Variants in TPP2 observed in about 807,000 individuals in gnomAD.
TPP2 encodes tripeptidyl peptidase 2.
In TPP2, 34 loss-of-function variants were observed where a neutral mutation model predicts 155.9. The ratio of observed to expected loss-of-function variants is 0.22; its 90% confidence interval spans 0.17 to 0.29. The LOEUF (loss-of-function observed/expected upper bound fraction) is 0.29, where lower values mean the gene tolerates loss of function less well. TPP2 is among the 10% of genes least tolerant of loss of function. TPP2 has a pLI of 1.00. For missense variants in TPP2, 1,028 were observed against 1,522.3 expected (o/e 0.68, Z 5.40); for synonymous variants, 510 against 529.4 (o/e 0.96, Z 0.50).
Position 102,664,917 on chromosome 13 carries a change from T to C in TPP2, c.3363T>C (p.Thr1121=), listed in dbSNP as rs777893293. 6.2e-7 allele frequency: 1 copy of C among 1,611,556 alleles called. No individual in the cohort carries two copies. ...MKTDPRPDAA[T]IKNDMDKQKS... ...CTGATCCCAGGCCTGATGCAGCTAC[T>C]ATAAAAAAGTACCTAACCAGTAAAT... The change falls in exon 27 of 30, where the codon ACT becomes ACC. Residue 1121 remains threonine (T), a synonymous_variant. Coordinates refer to ENST00000376052, the MANE Select transcript of TPP2 (RefSeq NM_001330588.2).
intron 24 of TPP2, among the ~76,000 whole-genome samples, chr13:102,653,744 T>G (rs8000233): frequency 0.31 from 46,924 of 152,072 alleles, 7,548 homozygotes; most frequent in Non-Finnish European, 0.37. Context: ...AAATATGATA[T>G]AAATTTTAAA....
At chr13:102,600,404 C>T (rs2139400643) in intron 1 of TPP2, among the ~76,000 whole-genome samples, 1 of 152,178 alleles carries the variant, frequency 6.6e-6, no homozygotes, top group Admixed American at 6.5e-5. Flanking sequence ...CTCCCCCCAC[C>T]ACCTCGTATT....
chr13:102,619,204 A>C (rs1837600643), intron 5 of TPP2, among the ~76,000 whole-genome samples: 1 of 152,224 alleles, frequency 6.6e-6, no homozygotes, highest in African/African-American at 2.4e-5. Flanking sequence ...ATAGTAAGCA[A>C]TCAATGTACG....
At chr13:102,616,649 A>G in intron 4 of TPP2, 149 bp downstream of exon 4, 1 of 586,372 alleles carries the variant, frequency 1.7e-6, no homozygotes, top group South Asian at 3.6e-5. Context: ...TTCCTTTATT[A>G]TTTATCCTCA....
At chr13:102,607,057 T>G (rs1414588928) in intron 2 of TPP2, among the ~76,000 whole-genome samples, 1 of 152,190 alleles carries the variant, frequency 6.6e-6, no homozygotes, top group Non-Finnish European at 1.5e-5. Context: ...CTAGGGCATA[T>G]GAGGACACAG....
intron 17 of TPP2, 145 bp from the exon 18 acceptor site, chr13:102,644,412 T>C: frequency 3.3e-6 from 2 of 604,914 alleles, no homozygotes; most frequent in Non-Finnish European, 5.7e-6. Flanking sequence ...AACTCTTACT[T>C]AGCATAGCTG....
intron 24 of TPP2, among the ~76,000 whole-genome samples, chr13:102,652,779 C>G (rs919362072): frequency 2.6e-5 from 4 of 151,870 alleles, no homozygotes; most frequent in Admixed American, 1.3e-4. Context: ...CGTTTGGGGG[C>G]CACGTAATGG....
Position 102,640,249 on chromosome 13 carries a change from ATTAC to A in TPP2, c.1914-18_1914-15del, listed in dbSNP as rs1336075240. On this transcript the variant is annotated splice_polypyrimidine_tract_variant and intron_variant, in intron 15 of 29. Transcript: ENST00000376052. ...GTCTTATAATAAATATATACATTTA[ATTAC>A]TTTTATTAATTTTCAGAGTAAATGA... 4.0e-6 allele frequency: 6 copies of A among 1,500,002 alleles called. No homozygotes were observed. In the African/African-American group the frequency reaches 8.4e-5, roughly 21 times the overall value. The allele number at this position is 1,500,002 out of a possible 1,614,324, so 92.9% of individuals were successfully genotyped here. A position where few individuals can be genotyped will look rare whatever the true frequency, so the allele number is the denominator to read the frequency against.
rs202050215 is a variant in TPP2, at chr13:102,596,998, G to T, written c.-41G>T. ...TCCTCGCGCTGCTAGTCCGCGCGCA[G>T]CCTGGCAGTTTGCCGCTTCCTCGTC... On this transcript the variant is annotated 5_prime_UTR_variant, in exon 1 of 30. Transcript: ENST00000376052. 35 of 1,600,226 alleles carry T rather than the reference G, an allele frequency of 2.2e-5. No individual in the cohort carries two copies. The Admixed American group carries it at 5.2e-4, about 24-fold the overall frequency.
intron 1 of TPP2, among the ~76,000 whole-genome samples, chr13:102,597,580 T>G (rs1879067714): frequency 6.6e-6 from 1 of 152,080 alleles, no homozygotes; most frequent in Non-Finnish European, 1.5e-5. Flanking sequence ...CCCAGGCTCC[T>G]TCCCTCCACG....
At chr13:102,646,429 C>T in intron 20 of TPP2, 39 bp downstream of exon 20, 2 of 1,510,296 alleles carry the variant, frequency 1.3e-6, no homozygotes, top group Non-Finnish European at 1.8e-6. Flanking sequence ...TTAGGATGAA[C>T]TTTTGTGTTT....
intron 6 of TPP2, among the ~76,000 whole-genome samples, chr13:102,625,714 A>T (rs1252585837): frequency 6.6e-6 from 1 of 152,252 alleles, no homozygotes; most frequent in African/African-American, 2.4e-5. Context: ...GTTTTCTTGC[A>T]TGACAGCAGC....
chr13:102,627,945 G>C, intron 8 of TPP2, 21 bp downstream of exon 8: 1 of 1,595,334 alleles, frequency 6.3e-7, no homozygotes, highest in South Asian at 1.1e-5. Context: ...CTTGACAGTT[G>C]TTTAGCCATA....
At chr13:102,620,077 G>A (rs1163808066) in intron 5 of TPP2, among the ~76,000 whole-genome samples, 1 of 152,200 alleles carries the variant, frequency 6.6e-6, no homozygotes, top group Non-Finnish European at 1.5e-5. Flanking sequence ...GAGGCAATAG[G>A]TGGTTTCATT....
chr13:102,625,306 A>C (rs1881528915), intron 6 of TPP2, among the ~76,000 whole-genome samples: 1 of 151,106 alleles, frequency 6.6e-6, no homozygotes, highest in Non-Finnish European at 1.5e-5. Flanking sequence ...CTGGGACTGC[A>C]GGCGCCCACT....
intron 1 of TPP2, among the ~76,000 whole-genome samples, chr13:102,599,307 C>G (rs952930157): frequency 1.3e-5 from 2 of 152,186 alleles, no homozygotes; most frequent in African/African-American, 4.8e-5. Flanking sequence ...TAAGTCTTCT[C>G]TTTTAACAAC....
chr13:102,636,371 C>A lies in TPP2; in HGVS notation c.1657C>A (p.Pro553Thr). 2 of 1,612,892 alleles carry A rather than the reference C, an allele frequency of 1.2e-6. No individual in the cohort carries two copies. Among genetic ancestry groups the A allele is most frequent in the South Asian group, 1.1e-5 (1 of 90,832 alleles). The change falls in exon 13 of 30, where the codon CCT becomes ACT. Residue 553 changes from proline to threonine, a missense_variant. By Grantham distance (38) the Pro-to-Thr change is conservative. This residue lies in a region of TPP2 where 325 missense variants were observed against 463.7 expected (regional missense o/e 0.70). Transcript: ENST00000376052. ...APSDHGVGIE[P>T]VFPENTENSE... is the part of the protein sequence containing the mutation. ...TTCAGATCATGGCGTTGGCATTGAA[C>A]CTGTATTTCCGGAGAACACAGGTCA...
rs184004456 is a variant in TPP2 at position 102,666,314 on chromosome 13, C to T, written c.3371+1389C>T. Among the ~76,000 whole-genome samples the T allele has an allele frequency of 1.1e-3, 164 of 152,306 alleles. 3 individuals carry two copies. In the East Asian group the frequency reaches 0.029, roughly 27 times the overall value. On this transcript the variant is annotated intron_variant, in intron 27 of 29. Transcript: ENST00000376052. ...TTCTTTTCTCTGTATATTCTTCTCC[C>T]TTCTTGAGAAGGTTAACATAACTCA...
chr13:102,623,033 C>T lies in TPP2; in HGVS notation c.777C>T (p.Thr259=). The T allele has an allele frequency of 6.2e-7, 1 of 1,611,776 alleles. No individual in the cohort carries two copies. Among genetic ancestry groups the T allele is most frequent in the Non-Finnish European group, 8.5e-7 (1 of 1,179,300 alleles). ...ATGGAAACCTGCTCTCCATTGTGAC[C>T]AGTGGAGGTATCCCATTTCAGATTG... The part of the protein sequence containing the change: ...YDDGNLLSIV[T]SGGAHGTHVA... Residue 259 remains threonine (T), a synonymous_variant, in exon 6 of 30, where the codon ACC becomes ACT. Transcript: ENST00000376052.
Sources: allele counts gnomAD v4.1 joint callset (sites outside exome capture counted in the v4.1 genomes callset), GRCh38; gene constraint gnomAD v4.1.1; regional missense constraint gnomAD v4.1.1; transcripts MANE v1.5; gene names NCBI Gene and HGNC (gene_info 2026-07-23, HGNC 2026-07-21).